The following MARCHF7 variants were observed in gnomAD, a reference collection of about 807,000 sequenced individuals.
The protein encoded by MARCHF7 is membrane associated ring-CH-type finger 7, also known as E3 ubiquitin-protein ligase MARCHF7.
Under a neutral mutation model 76.5 loss-of-function variants are expected in MARCHF7, and 20 were observed. The ratio of observed to expected loss-of-function variants is 0.26; its 90% confidence interval spans 0.18 to 0.38. MARCHF7 has a LOEUF of 0.38. MARCHF7 is among the 10% of genes least tolerant of loss of function. The pLI is 1.00. For missense variants in MARCHF7, 797 were observed against 812.9 expected (o/e 0.98, Z 0.24); for synonymous variants, 295 against 293.0 (o/e 1.01, Z -0.07).
intron 3 of MARCHF7, among the ~76,000 whole-genome samples, chr2:159,721,738 G>C (rs1304724521): frequency 1.3e-5 from 2 of 152,118 alleles, no homozygotes; most frequent in Non-Finnish European, 2.9e-5. Flanking sequence ...AGGAACATGA[G>C]GATAAAATTC....
At chr2:159,763,202 G>C (rs2125730890) in intron 10 of MARCHF7, among the ~76,000 whole-genome samples, 1 of 152,224 alleles carries the variant, frequency 6.6e-6, no homozygotes, top group South Asian at 2.1e-4. Context: ...TTATTTTAGA[G>C]AAAGAAGTAA....
intron 7 of MARCHF7, among the ~76,000 whole-genome samples, chr2:159,749,938 C>T (rs942694617): frequency 6.6e-6 from 1 of 152,088 alleles, no homozygotes; most frequent in African/African-American, 2.4e-5. Flanking sequence ...ATTTATTAAC[C>T]ATTTATTTAC....
Position 159,748,860 on chromosome 2 carries a change from G to C in MARCHF7, c.1570G>C (p.Ala524Pro), listed in dbSNP as rs928780473. The C allele has an allele frequency of 2.5e-6, 4 of 1,612,696 alleles. No homozygotes were observed. The highest frequency in any genetic ancestry group is 1.7e-5 in the Admixed American group (1 of 59,794). ...TGGTAAAAGTGATAAAACTAAAAGT[G>C]CGCCTTCAAGAGATCCAGAAAGATT... ...ADGKSDKTKS[A>P]PSRDPERLQK... The change falls in exon 7 of 12, where the codon GCG becomes CCG. Residue 524 changes from alanine to proline, a missense_variant. Physicochemically the swap from Ala to Pro is conservative, Grantham distance 27. Transcript: ENST00000409175.
intron 7 of MARCHF7, among the ~76,000 whole-genome samples, chr2:159,749,497 G>A (rs1705347206): frequency 6.6e-6 from 1 of 151,832 alleles, no homozygotes; most frequent in African/African-American, 2.4e-5. Flanking sequence ...ACAGGCGCCT[G>A]CCACCATACC....
chr2:159,748,631 A>G lies in MARCHF7; in HGVS notation c.1341A>G (p.Arg447=), dbSNP rs765363375. ...QNDPLGAAAN[R]PQASAASSSA... ...ATCCTCTTGGAGCTGCTGCCAACAG[A>G]CCACAAGCATCTGCAGCATCAAGCA... The change falls in exon 7 of 12, where the codon AGA becomes AGG. Residue 447 remains arginine, a synonymous_variant. Coordinates refer to ENST00000409175, the MANE Select transcript of MARCHF7 (RefSeq NM_001282805.2). The G allele has an allele frequency of 6.2e-7, 1 of 1,614,222 alleles. No individual in the cohort carries two copies. The highest frequency in any genetic ancestry group is 1.1e-5 in the South Asian group (1 of 91,088).
At position 159,759,223 on chromosome 2, in the gene MARCHF7, C is replaced by T. The variant is rs201318500; in HGVS notation, c.1784-3C>T. 5.4e-5 allele frequency: 83 copies of T among 1,525,388 alleles called. No individual in the cohort carries two copies. In the Admixed American group the frequency reaches 1.2e-3, roughly 23 times the overall value. The allele number at this position is 1,525,388 out of a possible 1,614,324, so 94.5% of individuals were successfully genotyped here. Reference sequence around the variant, plus strand: ...GCTTTATTTGTAATTTAATTTTTACCAGGTTCTTCATTAGAAGCTGTAACC... The same window carrying T: ...GCTTTATTTGTAATTTAATTTTTACTAGGTTCTTCATTAGAAGCTGTAACC... On this transcript the variant is annotated splice_region_variant and splice_polypyrimidine_tract_variant and intron_variant, in intron 8 of 11. Transcript: ENST00000409175.
At chr2:159,723,690 T>G (rs1701872384) in intron 3 of MARCHF7, among the ~76,000 whole-genome samples, 1 of 152,232 alleles carries the variant, frequency 6.6e-6, no homozygotes, top group Admixed American at 6.5e-5. Context: ...GATTCAGTAG[T>G]CTATATTTAC....
intron 4 of MARCHF7, among the ~76,000 whole-genome samples, chr2:159,735,900 G>T (rs1703392336): frequency 6.6e-6 from 1 of 152,186 alleles, no homozygotes; most frequent in Non-Finnish European, 1.5e-5. Flanking sequence ...AGACAAAACG[G>T]CAGGAGTATT....
At chr2:159,731,960 C>A (rs187115135) in intron 4 of MARCHF7, among the ~76,000 whole-genome samples, 94 of 146,240 alleles carry the variant, frequency 6.4e-4, no homozygotes, top group African/African-American at 2.3e-3. Flanking sequence ...AAAAATTAGC[C>A]GGGCGTGGTG....
chr2:159,764,142 A>AT (rs1574456874), intron 10 of MARCHF7, among the ~76,000 whole-genome samples: 1 of 151,170 alleles, frequency 6.6e-6, no homozygotes, highest in East Asian at 1.9e-4. Context: ...AGTCATTAGG[A>AT]TTTTTTTTAA....
intron 1 of MARCHF7, among the ~76,000 whole-genome samples, chr2:159,713,810 T>C (rs1203060279): frequency 6.6e-6 from 1 of 152,176 alleles, no homozygotes; most frequent in Non-Finnish European, 1.5e-5. Flanking sequence ...GCCATAGTTA[T>C]TTAAGTTCAC....
At chr2:159,747,333 G>C (rs771538701) in intron 6 of MARCHF7, among the ~76,000 whole-genome samples, 1 of 152,078 alleles carries the variant, frequency 6.6e-6, no homozygotes, top group Admixed American at 6.5e-5. Flanking sequence ...AAAATTACAA[G>C]GGTTTAAAAC....
rs1262377145 is a variant in MARCHF7, at chr2:159,712,625, G to A, written c.-143+19G>A. The A allele has an allele frequency of 1.3e-5, 2 of 152,666 alleles. No homozygotes were observed. Among genetic ancestry groups the A allele is most frequent in the African/African-American group, 4.8e-5 (2 of 41,444 alleles). 9.5% of individuals were successfully genotyped at this position (152,666 alleles called of 1,614,324 possible). A position where few individuals can be genotyped will look rare whatever the true frequency, so the allele number is the denominator to read the frequency against. Reference sequence around the variant, plus strand: ...GGCGGCGGTGCGTGTTGCTGCGAGTGGGACGCGCACTGGTCGGTGCCGGCT... The same window carrying A: ...GGCGGCGGTGCGTGTTGCTGCGAGTAGGACGCGCACTGGTCGGTGCCGGCT... On this transcript the variant is annotated intron_variant, in intron 1 of 11. Coordinates refer to ENST00000409175, the MANE Select transcript of MARCHF7 (RefSeq NM_001282805.2).
At chr2:159,760,022 A>G (rs138019676) in intron 9 of MARCHF7, among the ~76,000 whole-genome samples, 187 of 152,286 alleles carry the variant, frequency 1.2e-3, no homozygotes, top group African/African-American at 4.2e-3. Flanking sequence ...AAACATAAAA[A>G]CCATTTTGTG....
intron 3 of MARCHF7, among the ~76,000 whole-genome samples, chr2:159,725,195 C>G (rs979135297): frequency 1.3e-5 from 2 of 152,138 alleles, no homozygotes; most frequent in South Asian, 2.1e-4. Flanking sequence ...TGGGTATATA[C>G]CCAGTAATGG....
chr2:159,733,280 C>T lies in MARCHF7; in HGVS notation c.153+4105C>T, dbSNP rs965263502. ...TTTGAGACGGGTTCTCACACTCACC[C>T]AGGTTGGAGTATAGTAGCACAATCT... On this transcript the variant is annotated intron_variant, in intron 4 of 11. Coordinates refer to ENST00000409175, the MANE Select transcript of MARCHF7 (RefSeq NM_001282805.2). 7.7e-5 allele frequency: 58 copies of T among 754,772 alleles called. No homozygotes were observed. The African/African-American group carries it at 9.9e-4, about 13-fold the overall frequency. The allele number at this position is 754,772 out of a possible 1,614,324, so 46.8% of individuals were successfully genotyped here.
chr2:159,769,572 C>G lies in MARCHF7; in HGVS notation c.*2230C>G, dbSNP rs1334896318. 2 of 152,110 alleles carry G rather than the reference C, an allele frequency of 1.3e-5. No homozygotes were observed. Among genetic ancestry groups the G allele is most frequent in the Non-Finnish European group, 2.9e-5 (2 of 68,076 alleles). 9.4% of individuals were successfully genotyped at this position (152,110 alleles called of 1,614,324 possible). A position where few individuals can be genotyped will look rare whatever the true frequency, so the allele number is the denominator to read the frequency against. ...GGCAGGAGAATTGCTTGAAAACCTG[C>G]AAGGCGGAGATTGGAGAGAGCCAAG... On this transcript the variant is annotated 3_prime_UTR_variant, in exon 12 of 12. Coordinates refer to ENST00000409175, the MANE Select transcript of MARCHF7 (RefSeq NM_001282805.2).
At chr2:159,746,221 C>T (rs1303687607) in intron 6 of MARCHF7, among the ~76,000 whole-genome samples, 1 of 152,092 alleles carries the variant, frequency 6.6e-6, no homozygotes, top group Non-Finnish European at 1.5e-5. Context: ...ATCGTATATC[C>T]TCAAATAGAA....
rs75755472 is a variant in MARCHF7 at position 159,748,057 on chromosome 2, A to T, written c.767A>T (p.Asn256Ile). ...SSRDEAPIIS[N>I]SERVVSSQRP... ...AGAGATGAAGCCCCAATCATAAGCAATTCAGAAAGGGTTGTTTCATCTCAA... is the reference window on the plus strand; with the variant it reads ...AGAGATGAAGCCCCAATCATAAGCATTTCAGAAAGGGTTGTTTCATCTCAA... Residue 256 changes from asparagine to isoleucine, a missense_variant, in exon 7 of 12, where the codon AAT (asparagine) becomes ATT (isoleucine). By Grantham distance (149) the Asn-to-Ile change is moderately radical. Coordinates refer to ENST00000409175, the MANE Select transcript of MARCHF7 (RefSeq NM_001282805.2). The T allele has an allele frequency of 1.2e-6, 2 of 1,614,170 alleles. No individual in the cohort carries two copies. Among genetic ancestry groups the T allele is most frequent in the South Asian group, 2.2e-5 (2 of 91,080 alleles).
Sources: allele counts gnomAD v4.1 joint callset (sites outside exome capture counted in the v4.1 genomes callset), GRCh38; gene constraint gnomAD v4.1.1; transcripts MANE v1.5; gene names NCBI Gene and HGNC (gene_info 2026-07-23, HGNC 2026-07-21).